The following PLPPR4 variants were observed in gnomAD, a reference collection of about 807,000 sequenced individuals.
PLPPR4 encodes the protein phospholipid phosphatase related 4, also known as phospholipid phosphatase-related protein type 4.
A neutral mutation model predicts 56.6 loss-of-function variants in PLPPR4; 24 were observed. The ratio of observed to expected loss-of-function variants is 0.42; its 90% CI spans 0.31 to 0.60. The LOEUF (loss-of-function observed/expected upper bound fraction) is 0.60, where lower values mean the gene tolerates loss of function less well. Ranked by LOEUF, PLPPR4 falls within the 20% of genes least tolerant of loss-of-function variation. The pLI, the probability that PLPPR4 is intolerant of heterozygous loss-of-function variation, is 0.13. For missense variants in PLPPR4, 654 were observed against 885.8 expected, an observed-to-expected ratio of 0.74 and a Z score of 3.32; for synonymous variants, 326 against 328.1, an observed-to-expected ratio of 0.99 and a Z score of 0.07.
intron 6 of PLPPR4, 116 bp from the exon 7 acceptor site, chr1:99,305,569 T>C (rs1660000653): frequency 2.2e-6 from 2 of 902,470 alleles, no homozygotes; most frequent in Admixed American, 5.0e-5. Flanking sequence ...TTATTTGTAC[T>C]AGTCAATGGT....
At chr1:99,289,949 A>C (rs1256412612) in intron 2 of PLPPR4, among the ~76,000 whole-genome samples, 1 of 152,122 alleles carries the variant, frequency 6.6e-6, no homozygotes, top group Non-Finnish European at 1.5e-5. Context: ...GAGCAATCAG[A>C]CAAGAAAAAG....
At position 99,305,867 on chromosome 1, in the gene PLPPR4, T is replaced by C. The variant is rs550398413; in HGVS notation, c.1005T>C (p.Ala335=). 1.1e-5 allele frequency: 17 copies of C among 1,613,974 alleles called. No homozygotes were observed. Among genetic ancestry groups the C allele is most frequent in the South Asian group, 6.6e-5 (6 of 91,072 alleles). ...EGILNRNHRD[A]SSLTNLKRAN... ...TCCTCAACCGAAACCACAGAGATGC[T>C]AGCTCTCTGACAAATCTCAAAAGAG... The change falls in exon 7 of 7, where the codon GCT becomes GCC. Residue 335 remains alanine (A), a synonymous_variant. Coordinates refer to ENST00000370185, the MANE Select transcript of PLPPR4 (RefSeq NM_014839.5).
At chr1:99,297,776 G>A (rs1659779423) in intron 3 of PLPPR4, among the ~76,000 whole-genome samples, 1 of 152,018 alleles carries the variant, frequency 6.6e-6, no homozygotes, top group South Asian at 2.1e-4. Context: ...CAGCTTAACA[G>A]CATCGCAAAC....
At chr1:99,288,271 G>A in intron 2 of PLPPR4, 121 bp downstream of exon 2, 2 of 805,354 alleles carry the variant, frequency 2.5e-6, no homozygotes, top group Non-Finnish European at 3.9e-6. Context: ...TCAAAGTCAT[G>A]TCTTTGAGAT....
upstream of PLPPR4, chr1:99,264,138 G>A (rs1658829255): frequency 2.4e-6 from 1 of 410,312 alleles, no homozygotes; most frequent in South Asian, 4.7e-5. Context: ...GACCTAGGAG[G>A]CTCCCCAGGA....
chr1:99,277,566 T>C (rs570440469), intron 1 of PLPPR4, among the ~76,000 whole-genome samples: 1 of 152,292 alleles, frequency 6.6e-6, no homozygotes, highest in South Asian at 2.1e-4. Context: ...TTAAAATGAA[T>C]TATCCATTTG....
In PLPPR4 at chr1:99,283,655, A is replaced by C. The variant is rs1048921525; in HGVS notation, c.79-4310A>C. 5.3e-5 allele frequency among the ~76,000 whole-genome samples: 8 copies of C among 152,312 alleles called. 1 individual carries two copies. In the South Asian group the frequency reaches 1.0e-3, roughly 20 times the overall value. On this transcript the variant is annotated intron_variant, in intron 1 of 6. Transcript: ENST00000370185. ...TTCCCTCCGCTCTATTGCTGCATAA[A>C]AATAGCTCGGTTTGGCTGGGCGCGG...
At chr1:99,296,301 A>G (rs1183096666) in intron 2 of PLPPR4, among the ~76,000 whole-genome samples, 1 of 152,224 alleles carries the variant, frequency 6.6e-6, no homozygotes, top group Admixed American at 6.5e-5. Flanking sequence ...CAGTAGCTAT[A>G]TTTCAAGTGA....
chr1:99,288,513 G>A (rs1372290120), intron 2 of PLPPR4, among the ~76,000 whole-genome samples: 1 of 151,832 alleles, frequency 6.6e-6, no homozygotes, highest in Non-Finnish European at 1.5e-5. Flanking sequence ...AAAAAATGGG[G>A]GAGAAATTAC....
chr1:99,264,295 G>A (rs970833434), upstream of PLPPR4: 1 of 629,604 alleles, frequency 1.6e-6, no homozygotes, highest in Non-Finnish European at 2.7e-6. Context: ...GGGAGGGGAA[G>A]CCATTGCAGC....
chr1:99,291,936 TA>T (rs1285540903), intron 2 of PLPPR4, among the ~76,000 whole-genome samples: 1 of 151,940 alleles, frequency 6.6e-6, no homozygotes, highest in Non-Finnish European at 1.5e-5. Context: ...TTTAGATAGA[TA>T]GATAGAGTTT....
At chr1:99,279,139 G>T (rs1164262825) in intron 1 of PLPPR4, among the ~76,000 whole-genome samples, 1 of 152,090 alleles carries the variant, frequency 6.6e-6, no homozygotes, top group Non-Finnish European at 1.5e-5. Flanking sequence ...AGTATGTCAG[G>T]GATAAAGAGA....
intron 1 of PLPPR4, among the ~76,000 whole-genome samples, chr1:99,280,013 A>T (rs1570910912): frequency 6.6e-6 from 1 of 152,344 alleles, no homozygotes; most frequent in South Asian, 2.1e-4. Flanking sequence ...GGTGATAAAG[A>T]ATAAGTGAGT....
At chr1:99,274,211 C>T (rs939594667) in intron 1 of PLPPR4, among the ~76,000 whole-genome samples, 1 of 151,710 alleles carries the variant, frequency 6.6e-6, no homozygotes, top group Non-Finnish European at 1.5e-5. Context: ...ACTTGATCTA[C>T]CAATTAGCTT....
rs529595296 is a variant in PLPPR4, at chr1:99,288,830, T to G, written c.264+680T>G. ...ATGACGAATATCCTAATTACTTTGA[T>G]ATGATCTTTACATGTTATATGAATG... On this transcript the variant is annotated intron_variant, in intron 2 of 6. Coordinates refer to ENST00000370185, the MANE Select transcript of PLPPR4 (RefSeq NM_014839.5). Among the ~76,000 whole-genome samples the G allele has an allele frequency of 2.9e-4, 44 of 152,262 alleles. No individual in the cohort carries two copies. In the South Asian group the frequency reaches 9.1e-3, roughly 32 times the overall value.
chr1:99,299,515 G>T (rs1659827277), intron 4 of PLPPR4, among the ~76,000 whole-genome samples: 1 of 151,774 alleles, frequency 6.6e-6, no homozygotes, highest in African/African-American at 2.4e-5. Context: ...ATGGTTTTAG[G>T]TTACTATAAA....
At chr1:99,266,417 CA>C (rs1658898451) in intron 1 of PLPPR4, among the ~76,000 whole-genome samples, 2 of 152,204 alleles carry the variant, frequency 1.3e-5, no homozygotes, top group African/African-American at 4.8e-5. Flanking sequence ...TGTGCCTTTA[CA>C]GAATGTACGT....
intron 1 of PLPPR4, among the ~76,000 whole-genome samples, chr1:99,269,554 G>T (rs1369363061): frequency 6.6e-6 from 1 of 152,152 alleles, no homozygotes; most frequent in Non-Finnish European, 1.5e-5. Context: ...TAGTCATCCT[G>T]CTCAAAGATC....
chr1:99,266,038 G>T (rs1294464167), intron 1 of PLPPR4, among the ~76,000 whole-genome samples: 1 of 152,136 alleles, frequency 6.6e-6, no homozygotes, highest in East Asian at 1.9e-4. Flanking sequence ...TTTCACAAGA[G>T]ATTTTTGGGA....
Sources: allele counts gnomAD v4.1 joint callset (sites outside exome capture counted in the v4.1 genomes callset), GRCh38; gene constraint gnomAD v4.1.1; transcripts MANE v1.5; gene names NCBI Gene and HGNC (gene_info 2026-07-23, HGNC 2026-07-21).